Variants in HIRA observed in about 807,000 individuals in gnomAD.
HIRA encodes histone cell cycle regulator, also known as protein HIRA.
A neutral mutation model predicts 126.6 loss-of-function variants in HIRA; 13 were observed. The ratio of observed to expected loss-of-function variants is 0.10; its 90% CI spans 0.07 to 0.16. HIRA has a LOEUF of 0.16. HIRA is among the 10% of genes least tolerant of loss of function. The pLI, the probability that HIRA is intolerant of heterozygous loss-of-function variation, is 1.00. For missense variants in HIRA, 834 were observed against 1,314.4 expected (o/e 0.63, Z 5.65); for synonymous variants, 511 against 520.0 (o/e 0.98, Z 0.24).
At chr22:19,413,757 G>T (rs2089373008) in intron 1 of HIRA, among the ~76,000 whole-genome samples, 1 of 152,042 alleles carries the variant, frequency 6.6e-6, no homozygotes, top group Non-Finnish European at 1.5e-5. Context: ...GACTACAGGT[G>T]CCTGCTACCA....
intron 13 of HIRA, among the ~76,000 whole-genome samples, chr22:19,382,826 CA>C (rs1294040602): frequency 1.4e-5 from 2 of 139,468 alleles, no homozygotes; most frequent in African/African-American, 5.5e-5. Flanking sequence ...ATAACCAATT[CA>C]AAAACAATCT....
At chr22:19,334,772 T>TA (rs1601794322) in intron 24 of HIRA, among the ~76,000 whole-genome samples, 2 of 152,270 alleles carry the variant, frequency 1.3e-5, no homozygotes, top group South Asian at 2.1e-4. Flanking sequence ...GGGTTTCTTA[T>TA]AAGCAGCATA....
chr22:19,426,259 A>G (rs2089487572), intron 1 of HIRA, among the ~76,000 whole-genome samples: 3 of 152,138 alleles, frequency 2.0e-5, no homozygotes, highest in Admixed American at 2.0e-4. Flanking sequence ...CAGCTTCCTC[A>G]GAAGCCTCAA....
intron 15 of HIRA, among the ~76,000 whole-genome samples, chr22:19,368,385 T>C (rs2088933629): frequency 6.6e-6 from 1 of 152,246 alleles, no homozygotes; most frequent in Non-Finnish European, 1.5e-5. Context: ...TGTAGCTTAA[T>C]ATTCTGGAAG....
At chr22:19,419,322 T>C (rs538840162) in intron 1 of HIRA, among the ~76,000 whole-genome samples, 5 of 152,078 alleles carry the variant, frequency 3.3e-5, no homozygotes, top group Non-Finnish European at 7.4e-5. Flanking sequence ...CCCCACGACT[T>C]TTCTGACCTC....
intron 15 of HIRA, among the ~76,000 whole-genome samples, chr22:19,367,294 C>T (rs955524254): frequency 6.6e-6 from 1 of 152,038 alleles, no homozygotes; most frequent in Non-Finnish European, 1.5e-5. Context: ...ATATCAAAAT[C>T]CAAGGATGCT....
intron 15 of HIRA, among the ~76,000 whole-genome samples, chr22:19,365,144 T>C (rs2088900788): frequency 6.6e-6 from 1 of 152,230 alleles, no homozygotes; most frequent in South Asian, 2.1e-4. Context: ...TAGCAGAGGT[T>C]GGCTCATGAA....
In HIRA at chr22:19,387,783, A is replaced by G. The variant is rs1381115187; in HGVS notation, c.1041T>C (p.Ser347=). The G allele has an allele frequency of 3.1e-6, 5 of 1,613,736 alleles. No homozygotes were observed. Among genetic ancestry groups the G allele is most frequent in the Non-Finnish European group, 1.7e-6 (2 of 1,179,950 alleles). ...CGAGGAATGCCACAGAGCCGTCCATAGAGCATACCAAGATGCCCAGCCCAT... is the reference window on the plus strand; with the variant it reads ...CGAGGAATGCCACAGAGCCGTCCATGGAGCATACCAAGATGCCCAGCCCAT... The part of the protein sequence containing the change: ...TLNGLGILVC[S]MDGSVAFLDF... The change falls in exon 11 of 25, where the codon TCT becomes TCC. Residue 347 remains serine (S), a synonymous_variant. Transcript: ENST00000263208.
In HIRA at chr22:19,387,021, T is replaced by C. The variant is rs543347128; in HGVS notation, c.1113+690A>G. On this transcript the variant is annotated intron_variant, in intron 11 of 24. Transcript: ENST00000263208. ...TTTCACAGAGCTCCCTTCAGACACA[T>C]ACACACAACCCACCAAGTGGGGGCA... 7.3e-4 allele frequency among the ~76,000 whole-genome samples: 111 copies of C among 152,318 alleles called. 1 individual carries two copies. Among genetic ancestry groups the C allele is most frequent in the Non-Finnish European group, 4.4e-5 (3 of 68,030 alleles).
chr22:19,428,732 A>G (rs2146263306), intron 1 of HIRA, among the ~76,000 whole-genome samples: 1 of 152,260 alleles, frequency 6.6e-6, no homozygotes, highest in East Asian at 1.9e-4. Flanking sequence ...AGATCCCTTG[A>G]GCCCAGGTAT....
chr22:19,419,253 C>T (rs767507046), intron 1 of HIRA, among the ~76,000 whole-genome samples: 5 of 152,224 alleles, frequency 3.3e-5, no homozygotes, highest in Non-Finnish European at 5.9e-5. Context: ...TGCCCCAACA[C>T]AGTTAAGGCC....
rs2088644518 is a variant in HIRA at position 19,342,699 on chromosome 22, A to T, written c.2937+8659T>A. On this transcript the variant is annotated intron_variant, in intron 24 of 24. Coordinates refer to ENST00000263208, the MANE Select transcript of HIRA (RefSeq NM_003325.4). Reference sequence around the variant, plus strand: ...CACTGCACCTGGCCAGAGATTCCTTAAAGAACTAAAAGTAGAACTACCATT... The same window carrying T: ...CACTGCACCTGGCCAGAGATTCCTTTAAGAACTAAAAGTAGAACTACCATT... Among the ~76,000 whole-genome samples, 4 of 152,154 alleles carry T rather than the reference A, an allele frequency of 2.6e-5. No individual in the cohort carries two copies. In the South Asian group the frequency reaches 8.3e-4, roughly 32 times the overall value.
chr22:19,336,966 T>C (rs1392414733), intron 24 of HIRA, among the ~76,000 whole-genome samples: 14 of 152,182 alleles, frequency 9.2e-5, no homozygotes, highest in African/African-American at 3.4e-4. Flanking sequence ...ATTCTGGCAA[T>C]AATGACAAAA....
At chr22:19,379,310 C>T (rs2089049258) in intron 13 of HIRA, among the ~76,000 whole-genome samples, 2 of 151,362 alleles carry the variant, frequency 1.3e-5, no homozygotes, top group Admixed American at 6.6e-5. Context: ...CCGTGCCCGG[C>T]CGGCAGTTTT....
intron 15 of HIRA, among the ~76,000 whole-genome samples, chr22:19,371,211 C>T (rs765583375): frequency 2.0e-4 from 31 of 152,228 alleles, no homozygotes; most frequent in Non-Finnish European, 3.7e-4. Flanking sequence ...CTCTTAACTC[C>T]CTCTTGACAA....
At chr22:19,430,995 G>T (rs531123405) in intron 1 of HIRA, among the ~76,000 whole-genome samples, 3 of 152,190 alleles carry the variant, frequency 2.0e-5, no homozygotes, top group Non-Finnish European at 4.4e-5. Context: ...CAGATCCAGA[G>T]GGGCAGTAAC....
chr22:19,429,740 C>G (rs1044995232), intron 1 of HIRA, among the ~76,000 whole-genome samples: 1 of 152,112 alleles, frequency 6.6e-6, no homozygotes, highest in Non-Finnish European at 1.5e-5. Flanking sequence ...TTTTGGCCTA[C>G]AAAGGAGCTT....
At chr22:19,364,342 A>G (rs1054173496) in intron 15 of HIRA, among the ~76,000 whole-genome samples, 1 of 152,214 alleles carries the variant, frequency 6.6e-6, no homozygotes, top group Non-Finnish European at 1.5e-5. Flanking sequence ...ACAATTCTGA[A>G]TAAGTACACA....
chr22:19,394,666 T>C (rs1322698551), intron 7 of HIRA, among the ~76,000 whole-genome samples, 157 bp from the exon 8 acceptor site: 1 of 152,216 alleles, frequency 6.6e-6, no homozygotes, highest in East Asian at 1.9e-4. Flanking sequence ...TCTCACCAGA[T>C]GGCCCAACCA....
Sources: gnomAD v4.1 joint callset for allele counts (sites outside exome capture counted in the v4.1 genomes callset) on GRCh38, gnomAD v4.1.1 for gene constraint, MANE v1.5 for transcripts, NCBI Gene and HGNC (gene_info 2026-07-23, HGNC 2026-07-21) for gene names.